CDH12: variants seen among roughly 807,000 people sequenced by gnomAD.
The protein encoded by CDH12 is cadherin-12.
A neutral mutation model predicts 74.1 loss-of-function variants in CDH12; 41 were observed. That is an observed-to-expected ratio of 0.55 (90% CI 0.43 to 0.72). The LOEUF (loss-of-function observed/expected upper bound fraction) is 0.72, where lower values mean the gene tolerates loss of function less well. Ranked by LOEUF, CDH12 falls within the 30% of genes least tolerant of loss-of-function variation. The pLI is 0.00. For synonymous variants in CDH12, 399 were observed against 355.0 expected, an observed-to-expected ratio of 1.12 and a Z score of -1.39; for missense variants, 945 against 977.2, an observed-to-expected ratio of 0.97 and a Z score of 0.44.
intron 2 of CDH12, among the ~76,000 whole-genome samples, chr5:22,488,864 G>A (rs1746719591): frequency 6.6e-6 from 1 of 151,770 alleles, no homozygotes; most frequent in South Asian, 2.1e-4. Flanking sequence ...ACTTCCCTAT[G>A]TTGTCCCATG....
chr5:21,931,254 A>C (rs1004290490), intron 6 of CDH12, among the ~76,000 whole-genome samples: 21 of 152,152 alleles, frequency 1.4e-4, no homozygotes, highest in Non-Finnish European at 3.1e-4. Context: ...ATAGAGGAAA[A>C]AAAAGCTAAG....
intron 1 of CDH12, among the ~76,000 whole-genome samples, chr5:22,806,309 C>T (rs1046185123): frequency 4.0e-5 from 6 of 151,574 alleles, no homozygotes; most frequent in African/African-American, 1.5e-4. Flanking sequence ...CCCACATCAT[C>T]TCCAGTGTCT....
At position 22,549,591 on chromosome 5, in the gene CDH12, G is replaced by T. The variant is rs573880526; in HGVS notation, c.-522-44227C>A. ...TTTGGCCTGCCTCTCAGTGGAGAAA[G>T]CAATATTGATACAGTACCATAGTTA... is the stretch of plus-strand genomic sequence containing the variant. On this transcript the variant is annotated intron_variant, in intron 1 of 14. Coordinates refer to ENST00000382254, the MANE Select transcript of CDH12 (RefSeq NM_004061.5). Among the ~76,000 whole-genome samples, 6 of 152,144 alleles carry T rather than the reference G, an allele frequency of 3.9e-5. 1 individual carries two copies. The South Asian group carries it at 1.2e-3, about 32-fold the overall frequency.
chr5:22,753,625 G>T (rs1745721624), intron 1 of CDH12, among the ~76,000 whole-genome samples: 1 of 150,178 alleles, frequency 6.7e-6, no homozygotes, highest in East Asian at 2.0e-4. Flanking sequence ...AGTATGGAAA[G>T]AATTTAAACT....
chr5:22,835,787 T>A (rs1195330120), intron 1 of CDH12, among the ~76,000 whole-genome samples: 1 of 152,172 alleles, frequency 6.6e-6, no homozygotes, highest in Non-Finnish European at 1.5e-5. Context: ...CTGTCCTCAA[T>A]GTGATGGCTC....
chr5:22,617,906 C>A (rs1362115148), intron 1 of CDH12, among the ~76,000 whole-genome samples: 1 of 152,176 alleles, frequency 6.6e-6, no homozygotes, highest in Non-Finnish European at 1.5e-5. Flanking sequence ...TTGCTATAAG[C>A]AGAACTTAGA....
At chr5:22,273,827 C>T (rs1330221079) in intron 3 of CDH12, among the ~76,000 whole-genome samples, 1 of 152,094 alleles carries the variant, frequency 6.6e-6, no homozygotes. Context: ...CATCTTTCTT[C>T]CACTCAAAAG....
At chr5:22,189,597 A>G (rs1347683055) in intron 4 of CDH12, among the ~76,000 whole-genome samples, 2 of 152,140 alleles carry the variant, frequency 1.3e-5, no homozygotes, top group African/African-American at 4.8e-5. Context: ...TATTAGGCAT[A>G]ACATGGATCA....
intron 4 of CDH12, among the ~76,000 whole-genome samples, chr5:22,137,321 C>G (rs1213407339): frequency 6.6e-6 from 1 of 152,002 alleles, no homozygotes; most frequent in Non-Finnish European, 1.5e-5. Flanking sequence ...CCAGCTTTGT[C>G]TTATAGTTAT....
chr5:22,070,234 C>A (rs1741854763), intron 5 of CDH12, among the ~76,000 whole-genome samples: 2 of 152,166 alleles, frequency 1.3e-5, no homozygotes, highest in African/African-American at 2.4e-5. Context: ...ACTTTACATT[C>A]TTTTCTGAGA....
intron 1 of CDH12, among the ~76,000 whole-genome samples, chr5:22,642,219 T>A (rs990249065): frequency 2.0e-5 from 3 of 152,216 alleles, no homozygotes; most frequent in African/African-American, 7.2e-5. Context: ...ATGAAAATTA[T>A]GTAAGTTAAC....
At chr5:22,810,157 T>C (rs960788435) in intron 1 of CDH12, among the ~76,000 whole-genome samples, 1 of 152,180 alleles carries the variant, frequency 6.6e-6, no homozygotes, top group Non-Finnish European at 1.5e-5. Flanking sequence ...AAAAATAATG[T>C]TGAAGTCCAA....
chr5:22,846,153 G>A (rs1222131442), intron 1 of CDH12, among the ~76,000 whole-genome samples: 1 of 152,144 alleles, frequency 6.6e-6, no homozygotes, highest in East Asian at 1.9e-4. Flanking sequence ...GGATAATTAT[G>A]TTATTTACTG....
At chr5:22,477,620 C>T (rs1159764353) in intron 2 of CDH12, among the ~76,000 whole-genome samples, 1 of 152,130 alleles carries the variant, frequency 6.6e-6, no homozygotes, top group Non-Finnish European at 1.5e-5. Context: ...ATTGCTGGGT[C>T]AAATGGTACT....
intron 1 of CDH12, among the ~76,000 whole-genome samples, chr5:22,826,823 G>A (rs987074644): frequency 6.6e-6 from 1 of 152,110 alleles, no homozygotes; most frequent in South Asian, 2.1e-4. Context: ...AGGTGATTTG[G>A]GAGCTGTTAA....
chr5:22,780,769 T>C (rs1011979054), intron 1 of CDH12, among the ~76,000 whole-genome samples: 3 of 152,144 alleles, frequency 2.0e-5, no homozygotes, highest in African/African-American at 4.8e-5. Context: ...AATGAGACCC[T>C]GTTTCTCTCT....
At chr5:22,008,708 G>A (rs1415672858) in intron 5 of CDH12, among the ~76,000 whole-genome samples, 2 of 152,068 alleles carry the variant, frequency 1.3e-5, no homozygotes, top group African/African-American at 4.8e-5. Flanking sequence ...AATATTTGAG[G>A]ACTGGGCTTA....
chr5:22,696,040 C>T (rs953710192), intron 1 of CDH12, among the ~76,000 whole-genome samples: 12 of 151,994 alleles, frequency 7.9e-5, no homozygotes, highest in African/African-American at 2.9e-4. Flanking sequence ...GTCTCTTAAT[C>T]CCACCAGAAT....
chr5:22,764,868 G>C (rs1480107163), intron 1 of CDH12, among the ~76,000 whole-genome samples: 1 of 151,840 alleles, frequency 6.6e-6, no homozygotes, highest in African/African-American at 2.4e-5. Context: ...AAAGAAAGTC[G>C]GAGAAATTGT....
Sources: allele counts gnomAD v4.1 joint callset (sites outside exome capture counted in the v4.1 genomes callset), GRCh38; gene constraint gnomAD v4.1.1; transcripts MANE v1.5; gene names NCBI Gene and HGNC (gene_info 2026-07-23, HGNC 2026-07-21).